The following MAP3K13 variants were observed in gnomAD, a reference collection of about 807,000 sequenced individuals.
MAP3K13 encodes leucine zipper-bearing kinase.
Under a neutral mutation model 104.0 loss-of-function variants are expected in MAP3K13, and 52 were observed. That is an observed-to-expected ratio of 0.50 (90% confidence interval 0.40 to 0.63). The LOEUF (loss-of-function observed/expected upper bound fraction) is 0.63. Among genes scored for constraint, MAP3K13 ranks in the 20% least tolerant of loss-of-function variants. MAP3K13 has a pLI of 0.00. For missense variants in MAP3K13, 914 were observed against 1,218.5 expected (o/e 0.75, Z 3.72); for synonymous variants, 394 against 442.2 (o/e 0.89, Z 1.37).
intron 2 of MAP3K13, among the ~76,000 whole-genome samples, chr3:185,321,158 C>T (rs1358818079): frequency 6.8e-6 from 1 of 147,128 alleles, no homozygotes; most frequent in East Asian, 2.1e-4. Flanking sequence ...TATGCGTGCA[C>T]ACACATATGC....
At chr3:185,350,710 A>G (rs1723109503) in intron 2 of MAP3K13, among the ~76,000 whole-genome samples, 1 of 152,022 alleles carries the variant, frequency 6.6e-6, no homozygotes, top group South Asian at 2.1e-4. Context: ...CAAAAAGTCA[A>G]AAAATAACAG....
At chr3:185,352,918 G>T (rs2108732749) in intron 2 of MAP3K13, among the ~76,000 whole-genome samples, 1 of 152,302 alleles carries the variant, frequency 6.6e-6, no homozygotes, top group East Asian at 1.9e-4. Flanking sequence ...GATTGATTCA[G>T]GGCAGGTTGC....
At chr3:185,462,697 C>T (rs1380394502) in intron 7 of MAP3K13, among the ~76,000 whole-genome samples, 2 of 152,106 alleles carry the variant, frequency 1.3e-5, no homozygotes, top group Non-Finnish European at 1.5e-5. Flanking sequence ...CACTTGAACC[C>T]GGGAGACAGA....
At chr3:185,411,450 T>C (rs1233016842) in intron 1 of MAP3K13, among the ~76,000 whole-genome samples, 2 of 152,208 alleles carry the variant, frequency 1.3e-5, no homozygotes. Flanking sequence ...ACTTCTCAGG[T>C]AGATTTGCTG....
chr3:185,293,084 C>T (rs1720800719), intron 2 of MAP3K13: 2 of 949,572 alleles, frequency 2.1e-6, no homozygotes, highest in African/African-American at 1.8e-5. Context: ...CTGTGAGTTG[C>T]ACTTGCTGTT....
intron 1 of MAP3K13, among the ~76,000 whole-genome samples, chr3:185,376,476 C>T (rs898972529): frequency 1.3e-5 from 2 of 152,148 alleles, no homozygotes; most frequent in African/African-American, 4.8e-5. Flanking sequence ...CTACAGGGCG[C>T]AGTCCCGGCT....
At chr3:185,284,145 T>C (rs1347393697) in intron 1 of MAP3K13, among the ~76,000 whole-genome samples, 1 of 152,056 alleles carries the variant, frequency 6.6e-6, no homozygotes, top group African/African-American at 2.4e-5. Context: ...GCCACTTTCC[T>C]TTTTCTTAAT....
At chr3:185,449,303 G>A (rs1715756946) in intron 5 of MAP3K13, among the ~76,000 whole-genome samples, 2 of 150,630 alleles carry the variant, frequency 1.3e-5, no homozygotes, top group Admixed American at 1.3e-4. Context: ...AACCCAGGAG[G>A]TGGAGGTTGC....
intron 2 of MAP3K13, among the ~76,000 whole-genome samples, chr3:185,325,144 T>TACTTACTATG (rs1349639123): frequency 1.3e-5 from 2 of 152,222 alleles, no homozygotes. Flanking sequence ...CTGAAAAGGT[T>TACTTACTATG]ACTTACTATG....
At chr3:185,399,535 G>A (rs1374037334) in intron 1 of MAP3K13, among the ~76,000 whole-genome samples, 1 of 150,232 alleles carries the variant, frequency 6.7e-6, no homozygotes, top group African/African-American at 2.5e-5. Flanking sequence ...TTGAACCCAG[G>A]AGGCAAAGGT....
At chr3:185,470,428 A>G (rs1290744464) in intron 10 of MAP3K13, among the ~76,000 whole-genome samples, 1 of 152,204 alleles carries the variant, frequency 6.6e-6, no homozygotes, top group African/African-American at 2.4e-5. Flanking sequence ...TGGCCCAGTG[A>G]AGACTTGAAA....
intron 10 of MAP3K13, among the ~76,000 whole-genome samples, 169 bp from the exon 11 acceptor site, chr3:185,472,806 T>C (rs1040251530): frequency 1.3e-5 from 2 of 152,224 alleles, no homozygotes; most frequent in Non-Finnish European, 2.9e-5. Flanking sequence ...TTCTTCATAA[T>C]ATGCATCTTC....
At chr3:185,417,556 G>A (rs866440752) in intron 1 of MAP3K13, 9 of 1,611,144 alleles carry the variant, frequency 5.6e-6, no homozygotes, top group South Asian at 4.4e-5. Flanking sequence ...CTTTTCAGGG[G>A]CTGGTTTCTT....
chr3:185,429,783 T>A (rs1714640693), intron 2 of MAP3K13, among the ~76,000 whole-genome samples: 1 of 152,116 alleles, frequency 6.6e-6, no homozygotes, highest in South Asian at 2.1e-4. Context: ...AAAACTTAGA[T>A]TATAGTAAAA....
intron 2 of MAP3K13, among the ~76,000 whole-genome samples, chr3:185,311,266 C>A (rs1721486082): frequency 6.6e-6 from 1 of 152,070 alleles, no homozygotes. Flanking sequence ...CTGGGGAGAC[C>A]TCAGAATCAT....
intron 2 of MAP3K13, among the ~76,000 whole-genome samples, chr3:185,337,439 T>A (rs1258247629): frequency 6.6e-6 from 1 of 152,226 alleles, no homozygotes; most frequent in East Asian, 1.9e-4. Flanking sequence ...TTTACGGTAT[T>A]TTATGACACA....
chr3:185,349,798 TCTTTC>T (rs1424822805), intron 2 of MAP3K13, among the ~76,000 whole-genome samples: 1 of 152,232 alleles, frequency 6.6e-6, no homozygotes, highest in African/African-American at 2.4e-5. Context: ...TTATGGTGAC[TCTTTC>T]CTTTCATGTC....
At chr3:185,349,055 T>C (rs1227614976) in intron 2 of MAP3K13, among the ~76,000 whole-genome samples, 1 of 152,134 alleles carries the variant, frequency 6.6e-6, no homozygotes, top group Non-Finnish European at 1.5e-5. Context: ...AATCAGATTG[T>C]TCTGAACTAG....
intron 1 of MAP3K13, among the ~76,000 whole-genome samples, chr3:185,380,145 C>G (rs1560074949): frequency 6.6e-6 from 1 of 151,690 alleles, no homozygotes; most frequent in Non-Finnish European, 1.5e-5. Flanking sequence ...GAGGTTGCGC[C>G]ATTGCCCTAC....
Sources: allele counts gnomAD v4.1 joint callset (sites outside exome capture counted in the v4.1 genomes callset), GRCh38; gene constraint gnomAD v4.1.1; transcripts MANE v1.5; gene names NCBI Gene and HGNC (gene_info 2026-07-23, HGNC 2026-07-21).